SLC35F1: variants seen among roughly 807,000 people sequenced by gnomAD.
The protein encoded by SLC35F1 is solute carrier family 35 member F1.
Under a neutral mutation model 48.7 loss-of-function variants are expected in SLC35F1, and 14 were observed. The observed-to-expected ratio is 0.29, with a 90% confidence interval of 0.19 to 0.45. The LOEUF (loss-of-function observed/expected upper bound fraction) is 0.45, where lower values mean the gene tolerates loss of function less well. SLC35F1 is among the 20% of genes least tolerant of loss of function. SLC35F1 has a pLI of 1.00. For missense variants in SLC35F1, 404 were observed against 500.0 expected (o/e 0.81, Z 1.83); for synonymous variants, 190 against 202.2 (o/e 0.94, Z 0.51).
intron 4 of SLC35F1, among the ~76,000 whole-genome samples, chr6:118,268,590 A>ATG (rs1775807346): frequency 1.2e-5 from 1 of 80,518 alleles, no homozygotes; most frequent in African/African-American, 4.9e-5. Flanking sequence ...ATATGTATAT[A>ATG]TATATATATA....
At chr6:118,219,785 T>A (rs1388283906) in intron 2 of SLC35F1, among the ~76,000 whole-genome samples, 1 of 152,172 alleles carries the variant, frequency 6.6e-6, no homozygotes, top group African/African-American at 2.4e-5. Flanking sequence ...CCATCAGTGA[T>A]AGACTGGATT....
At chr6:118,049,413 C>G (rs1049566867) in intron 1 of SLC35F1, among the ~76,000 whole-genome samples, 1 of 152,134 alleles carries the variant, frequency 6.6e-6, no homozygotes, top group African/African-American at 2.4e-5. Flanking sequence ...AAACTACCAT[C>G]AGAGTGAACA....
chr6:117,999,015 G>C (rs924154324), intron 1 of SLC35F1: 2 of 1,429,164 alleles, frequency 1.4e-6, no homozygotes, highest in Non-Finnish European at 9.8e-7. Context: ...AACCAGTCCC[G>C]AAAATGGCAC....
intron 1 of SLC35F1, among the ~76,000 whole-genome samples, chr6:118,085,624 A>G (rs557473618): frequency 6.7e-6 from 1 of 149,432 alleles, no homozygotes; most frequent in East Asian, 2.0e-4. Context: ...GGTTATAGAC[A>G]TGTACCACCA....
At chr6:118,003,626 G>T (rs1318269522) in intron 1 of SLC35F1, among the ~76,000 whole-genome samples, 1 of 152,208 alleles carries the variant, frequency 6.6e-6, no homozygotes, top group African/African-American at 2.4e-5. Flanking sequence ...TTTCTCATCG[G>T]TAAATGGAGA....
chr6:118,010,906 A>G (rs917674596), intron 1 of SLC35F1, among the ~76,000 whole-genome samples: 1 of 152,210 alleles, frequency 6.6e-6, no homozygotes, highest in Non-Finnish European at 1.5e-5. Context: ...ACCAGGCAGT[A>G]TGATCTAGAC....
At chr6:118,277,415 G>A (rs546876824) in intron 5 of SLC35F1, 79 bp from the exon 6 acceptor site, 112 of 1,280,848 alleles carry the variant, frequency 8.7e-5, no homozygotes, top group Non-Finnish European at 1.2e-4. Flanking sequence ...CATCTGATAA[G>A]TGGGGGGGAA....
At chr6:118,209,378 CTTCTT>C (rs780316037) in intron 2 of SLC35F1, among the ~76,000 whole-genome samples, 26 of 152,200 alleles carry the variant, frequency 1.7e-4, no homozygotes, top group Admixed American at 5.2e-4. Context: ...CATCTACACT[CTTCTT>C]AAGTACTTGT....
chr6:117,944,984 C>A (rs1388164434), intron 1 of SLC35F1, among the ~76,000 whole-genome samples: 1 of 152,152 alleles, frequency 6.6e-6, no homozygotes, highest in East Asian at 1.9e-4. Flanking sequence ...CTGTGCCAAA[C>A]ACATTTTTGG....
At chr6:117,929,724 G>C (rs1776076346) in intron 1 of SLC35F1, among the ~76,000 whole-genome samples, 1 of 152,024 alleles carries the variant, frequency 6.6e-6, no homozygotes, top group Non-Finnish European at 1.5e-5. Context: ...AGGGTTATCT[G>C]CTTTACTTAA....
chr6:118,233,958 A>T (rs1343634079), intron 2 of SLC35F1, among the ~76,000 whole-genome samples: 1 of 152,112 alleles, frequency 6.6e-6, no homozygotes, highest in Non-Finnish European at 1.5e-5. Context: ...ACTGGCCACA[A>T]CTCATGCTTT....
Position 117,947,267 on chromosome 6 carries a change from G to A in SLC35F1, c.173+39368G>A, listed in dbSNP as rs554554224. The stretch of plus-strand genomic sequence containing the variant: ...GAAATGCAAATGCCTGAGCCCAGAG[G>A]TGTCTTGGATGTCCAGAAAATAGCA... On this transcript the variant is annotated intron_variant, in intron 1 of 7. Transcript: ENST00000360388. 5.3e-5 allele frequency among the ~76,000 whole-genome samples: 8 copies of A among 152,252 alleles called. No homozygotes were observed. In the East Asian group the frequency reaches 1.4e-3, roughly 26 times the overall value.
chr6:117,940,642 T>G (rs1217129460), intron 1 of SLC35F1, among the ~76,000 whole-genome samples: 2 of 152,000 alleles, frequency 1.3e-5, no homozygotes, highest in Non-Finnish European at 2.9e-5. Flanking sequence ...TTTTTTCTCC[T>G]TTCTTTTTTT....
At chr6:118,283,626 C>T (rs1269907885) in intron 6 of SLC35F1, among the ~76,000 whole-genome samples, 4 of 152,090 alleles carry the variant, frequency 2.6e-5, no homozygotes, top group African/African-American at 4.8e-5. Context: ...GATTGTGTTC[C>T]GATCAAGTTT....
chr6:118,181,185 G>A (rs1265597252), intron 2 of SLC35F1, among the ~76,000 whole-genome samples: 1 of 152,100 alleles, frequency 6.6e-6, no homozygotes, highest in African/African-American at 2.4e-5. Flanking sequence ...ACTGAAGAAG[G>A]AATGGTAAGT....
At chr6:118,199,938 A>G (rs1169818238) in intron 2 of SLC35F1, among the ~76,000 whole-genome samples, 1 of 152,194 alleles carries the variant, frequency 6.6e-6, no homozygotes. Context: ...TGTACATTTG[A>G]CAACTAAATC....
intron 1 of SLC35F1, among the ~76,000 whole-genome samples, chr6:118,098,787 T>C (rs927542115): frequency 6.6e-6 from 1 of 152,202 alleles, no homozygotes; most frequent in African/African-American, 2.4e-5. Context: ...GTACTATTGA[T>C]GTGAAAGAAA....
chr6:117,955,835 G>A (rs979762536), intron 1 of SLC35F1, among the ~76,000 whole-genome samples: 2 of 152,198 alleles, frequency 1.3e-5, no homozygotes, highest in African/African-American at 4.8e-5. Context: ...CTGAACTCAA[G>A]TGCAAGCACA....
intron 2 of SLC35F1, among the ~76,000 whole-genome samples, chr6:118,156,128 T>A (rs2114471619): frequency 6.6e-6 from 1 of 152,222 alleles, no homozygotes; most frequent in East Asian, 1.9e-4. Flanking sequence ...ATTTTAAGAA[T>A]AAAATAGGCC....
Sources: allele counts gnomAD v4.1 joint callset (sites outside exome capture counted in the v4.1 genomes callset), GRCh38; gene constraint gnomAD v4.1.1; transcripts MANE v1.5; gene names NCBI Gene and HGNC (gene_info 2026-07-23, HGNC 2026-07-21).